Variants in SV2C observed in about 807,000 individuals in gnomAD.
SV2C encodes the protein solute carrier family 22 member B3.
A neutral mutation model predicts 79.7 loss-of-function variants in SV2C; 49 were observed. The observed-to-expected ratio is 0.61, with a 90% CI of 0.49 to 0.78. The LOEUF (loss-of-function observed/expected upper bound fraction) is 0.78. SV2C is among the 30% of genes least tolerant of loss of function. SV2C has a pLI of 0.00. For missense variants in SV2C, 833 were observed against 912.9 expected (o/e 0.91, Z 1.13); for synonymous variants, 334 against 333.2 (o/e 1.00, Z -0.03).
the SV2C span, among the ~76,000 whole-genome samples, chr5:76,071,480 A>G: frequency 6.6e-6 from 1 of 152,224 alleles, no homozygotes; most frequent in African/African-American, 2.4e-5. Flanking sequence ...GTGAAGAGAT[A>G]GTTTTAAAAA....
intron 4 of SV2C, among the ~76,000 whole-genome samples, chr5:76,238,304 A>ATGTGTGTGTG (rs112691264): frequency 8.7e-5 from 13 of 149,640 alleles, no homozygotes; most frequent in South Asian, 2.1e-4. Context: ...GTGTGTGTGT[A>ATGTGTGTGTG]TGTGTGTGTG....
intron 12 of SV2C, among the ~76,000 whole-genome samples, chr5:76,350,191 A>C (rs548801590): frequency 6.6e-6 from 1 of 152,210 alleles, no homozygotes; most frequent in African/African-American, 2.4e-5. Context: ...CCCTCCATAC[A>C]TGTGATTTTC....
intron 12 of SV2C, among the ~76,000 whole-genome samples, chr5:76,302,630 C>CAAAAAA (rs60732488): frequency 4.4e-5 from 3 of 68,834 alleles, no homozygotes; most frequent in Non-Finnish European, 8.3e-5. Context: ...GACTCCATCT[C>CAAAAAA]AAAAAAAAAA....
the SV2C span, among the ~76,000 whole-genome samples, chr5:75,871,997 A>G: frequency 6.8e-6 from 1 of 147,330 alleles, no homozygotes; most frequent in African/African-American, 2.5e-5. Flanking sequence ...ATAACAAAAT[A>G]TATATTATTT....
In SV2C at chr5:76,111,745, C is replaced by A. The variant is rs78071877; in HGVS notation, c.-101-19905C>A. ...AGAGGCCGTGGCATTTCTCCTGTTCCTGCATCGTGTGAGTCATGTTTGTTG... is the reference window on the plus strand; with the variant it reads ...AGAGGCCGTGGCATTTCTCCTGTTCATGCATCGTGTGAGTCATGTTTGTTG... On this transcript the variant is annotated intron_variant, in intron 1 of 12. Coordinates refer to ENST00000502798, the MANE Select transcript of SV2C (RefSeq NM_014979.4). Among the ~76,000 whole-genome samples the A allele has an allele frequency of 4.9e-3, 745 of 152,274 alleles. 5 individuals are homozygous for A. The highest frequency in any genetic ancestry group is 0.017 in the African/African-American group (713 of 41,560).
At chr5:76,007,842 T>C in the SV2C span, among the ~76,000 whole-genome samples, 3 of 152,138 alleles carry the variant, frequency 2.0e-5, no homozygotes, top group African/African-American at 7.2e-5. Context: ...TCAGCTGCAA[T>C]ACTTCAGAGC....
chr5:75,968,585 GATGAAATGA>G, the SV2C span, among the ~76,000 whole-genome samples: 3 of 152,214 alleles, frequency 2.0e-5, no homozygotes, highest in South Asian at 6.2e-4. Context: ...AGCAATGGAA[GATGAAATGA>G]ATGAAATGAA....
chr5:75,898,990 A>T, the SV2C span, among the ~76,000 whole-genome samples: 8 of 151,972 alleles, frequency 5.3e-5, no homozygotes, highest in East Asian at 7.7e-4. Context: ...TAGCGGTCTA[A>T]CAATTTTGTT....
intron 1 of SV2C, among the ~76,000 whole-genome samples, chr5:76,124,791 G>A (rs1163820676): frequency 2.0e-5 from 3 of 152,128 alleles, no homozygotes; most frequent in Admixed American, 6.5e-5. Context: ...TTTGTTTTTT[G>A]TTGATTTTTG....
At chr5:75,945,641 G>A in the SV2C span, among the ~76,000 whole-genome samples, 1 of 151,892 alleles carries the variant, frequency 6.6e-6, no homozygotes, top group Non-Finnish European at 1.5e-5. Context: ...ATTTTTAAGT[G>A]CACATGGAAC....
At chr5:76,276,200 T>C (rs1335150852) in intron 4 of SV2C, among the ~76,000 whole-genome samples, 1 of 152,232 alleles carries the variant, frequency 6.6e-6, no homozygotes, top group Non-Finnish European at 1.5e-5. Flanking sequence ...GGCTGAGTAG[T>C]GATGGTTGTC....
At chr5:75,852,825 C>CA in the SV2C span, among the ~76,000 whole-genome samples, 7,466 of 80,314 alleles carry the variant, frequency 0.093, 444 homozygotes, top group African/African-American at 0.12. Context: ...GACTCCGTCT[C>CA]AAAAAAAAAA....
chr5:76,000,201 C>A, the SV2C span, among the ~76,000 whole-genome samples: 1 of 152,092 alleles, frequency 6.6e-6, no homozygotes, highest in Non-Finnish European at 1.5e-5. Flanking sequence ...TTTCATGAAG[C>A]CTTTGAGACA....
intron 12 of SV2C, among the ~76,000 whole-genome samples, chr5:76,342,134 G>A (rs1451590817): frequency 6.6e-6 from 1 of 152,118 alleles, no homozygotes. Context: ...AGGAAGGAGA[G>A]AAGGAAGGGG....
At chr5:76,033,067 G>A in the SV2C span, among the ~76,000 whole-genome samples, 1 of 152,048 alleles carries the variant, frequency 6.6e-6, no homozygotes, top group Non-Finnish European at 1.5e-5. Context: ...GTCTGTTCAT[G>A]TCCTTTGTCC....
the SV2C span, among the ~76,000 whole-genome samples, chr5:75,945,927 G>C: frequency 2.0e-5 from 3 of 151,958 alleles, no homozygotes; most frequent in Admixed American, 2.0e-4. Context: ...GGCAGGAAAG[G>C]CAGTGCTGAT....
chr5:76,162,910 C>T (rs931903451), intron 2 of SV2C, among the ~76,000 whole-genome samples: 1 of 152,196 alleles, frequency 6.6e-6, no homozygotes, highest in Non-Finnish European at 1.5e-5. Flanking sequence ...CAGTTATTAA[C>T]ATGCTAACTT....
the SV2C span, among the ~76,000 whole-genome samples, chr5:75,953,472 T>C: frequency 6.6e-6 from 1 of 152,046 alleles, no homozygotes; most frequent in African/African-American, 2.4e-5. Flanking sequence ...AGCCTCACCA[T>C]ACGTAGTAGA....
intron 2 of SV2C, among the ~76,000 whole-genome samples, chr5:76,178,337 A>T (rs1418086641): frequency 6.6e-6 from 1 of 152,266 alleles, no homozygotes. Context: ...GTCACCAAAC[A>T]TGCACACAGG....
Sources: gnomAD v4.1 joint callset for allele counts (sites outside exome capture counted in the v4.1 genomes callset) on GRCh38, gnomAD v4.1.1 for gene constraint, MANE v1.5 for transcripts, NCBI Gene and HGNC (gene_info 2026-07-23, HGNC 2026-07-21) for gene names.